LOXL2: variants seen among roughly 807,000 people sequenced by gnomAD.
LOXL2 encodes lysyl oxidase like 2.
In LOXL2, 70 loss-of-function variants were observed where a neutral mutation model predicts 93.0. The ratio of observed to expected loss-of-function variants is 0.75; its 90% CI spans 0.62 to 0.92. LOXL2 has a LOEUF of 0.92. LOXL2 is among the 40% of genes least tolerant of loss of function. The pLI is 0.00. For synonymous variants in LOXL2, 438 were observed against 413.2 expected (o/e 1.06, Z -0.73); for missense variants, 973 against 1,054.9 (o/e 0.92, Z 1.08).
intron 3 of LOXL2, among the ~76,000 whole-genome samples, chr8:23,348,609 G>A (rs1353578392): frequency 6.6e-6 from 1 of 151,942 alleles, no homozygotes; most frequent in Non-Finnish European, 1.5e-5. Flanking sequence ...CGGGTGCGGT[G>A]GCTCACGCCT....
intron 4 of LOXL2, among the ~76,000 whole-genome samples, chr8:23,338,856 G>A (rs1389382856): frequency 6.6e-6 from 1 of 152,188 alleles, no homozygotes; most frequent in African/African-American, 2.4e-5. Flanking sequence ...CCCGGGAGAA[G>A]AGGAGCTGCA....
intron 3 of LOXL2, among the ~76,000 whole-genome samples, chr8:23,355,553 A>T (rs1300252528): frequency 5.9e-5 from 7 of 118,460 alleles, no homozygotes; most frequent in African/African-American, 2.3e-4. Flanking sequence ...CAGCCCTATC[A>T]TACTCTTGGC....
chr8:23,351,997 A>G (rs546986657), intron 3 of LOXL2, among the ~76,000 whole-genome samples: 1 of 152,260 alleles, frequency 6.6e-6, no homozygotes, highest in African/African-American at 2.4e-5. Flanking sequence ...TTTTTAGTAG[A>G]GATGGGGGTC....
chr8:23,297,858 A>C lies in LOXL2; in HGVS notation c.*185T>G. 1 of 566,266 alleles carries C rather than the reference A, an allele frequency of 1.8e-6. No homozygotes were observed. Among genetic ancestry groups the C allele is most frequent in the Non-Finnish European group, 3.1e-6 (1 of 318,208 alleles). The allele number at this position is 566,266 out of a possible 1,614,324, so 35.1% of individuals were successfully genotyped here. On this transcript the variant is annotated 3_prime_UTR_variant, in exon 14 of 14. Transcript: ENST00000389131. Reference sequence around the variant, plus strand: ...TCTCAGGCCCCAAGGGTCAGGTAGCAGCCCCCCATGAATGATGGGAGGGTC... The same window carrying C: ...TCTCAGGCCCCAAGGGTCAGGTAGCCGCCCCCCATGAATGATGGGAGGGTC...
chr8:23,332,435 CCA>C (rs993762985), intron 5 of LOXL2, among the ~76,000 whole-genome samples: 10 of 140,970 alleles, frequency 7.1e-5, no homozygotes, highest in South Asian at 2.4e-4. Context: ...CAAACACACC[CCA>C]CACACTCCTA....
At position 23,307,953 on chromosome 8, in the gene LOXL2, G is replaced by GGAAAAAAAAAAAAAAAAAAAAAAA. The variant is rs58347035; in HGVS notation, c.1880+1714_1880+1715insTTTTTTTTTTTTTTTTTTTTTTTC. Among the ~76,000 whole-genome samples, 15 of 83,556 alleles carry GGAAAAAAAAAAAAAAAAAAAAAAA rather than the reference G, an allele frequency of 1.8e-4. 6 individuals carry two copies. The highest frequency in any genetic ancestry group is 9.2e-4 in the East Asian group (2 of 2,176). The allele number at this position is 83,556 out of a possible 152,430, so 54.8% of individuals were successfully genotyped here. A position where few individuals can be genotyped will look rare whatever the true frequency, so the allele number is the denominator to read the frequency against. On this transcript the variant is annotated intron_variant, in intron 10 of 13. Transcript: ENST00000389131. ...GTGACTAGGTCATCAGCTGCGATATGAAAAAAAAAAAAAAAAAAAAGCCAA... is the reference window on the plus strand; with the variant it reads ...GTGACTAGGTCATCAGCTGCGATATGGAAAAAAAAAAAAAAAAAAAAAAAAAAAAAAAAAAAAAAAAAAAGCCAA...
At chr8:23,376,950 T>C (rs1340708321) in intron 1 of LOXL2, among the ~76,000 whole-genome samples, 4 of 152,218 alleles carry the variant, frequency 2.6e-5, no homozygotes, top group African/African-American at 9.6e-5. Context: ...TCAGTTCTGC[T>C]CTGATCTTAG....
chr8:23,308,874 G>A (rs549638423), intron 10 of LOXL2, among the ~76,000 whole-genome samples: 55 of 152,176 alleles, frequency 3.6e-4, no homozygotes, highest in African/African-American at 1.3e-3. Flanking sequence ...AGGCACGGCT[G>A]CGTTTAGAGA....
At chr8:23,314,716 C>T (rs185159995) in intron 9 of LOXL2, among the ~76,000 whole-genome samples, 3,772 of 151,014 alleles carry the variant, frequency 0.025, 74 homozygotes, top group Non-Finnish European at 0.039. Flanking sequence ...GTGGGTGCAG[C>T]GCACCAGCAT....
chr8:23,378,196 T>A (rs1804622502), intron 1 of LOXL2, among the ~76,000 whole-genome samples: 1 of 152,246 alleles, frequency 6.6e-6, no homozygotes, highest in Admixed American at 6.5e-5. Context: ...CCTTCACTTA[T>A]GAAGCTTAGT....
At chr8:23,300,315 G>A (rs949441937) in intron 12 of LOXL2, among the ~76,000 whole-genome samples, 16 of 152,276 alleles carry the variant, frequency 1.1e-4, no homozygotes, top group African/African-American at 3.9e-4. Context: ...TGCGGGAAGT[G>A]GCTTTAGGTT....
At chr8:23,387,497 C>T (rs1259575307) in intron 1 of LOXL2, among the ~76,000 whole-genome samples, 1 of 152,188 alleles carries the variant, frequency 6.6e-6, no homozygotes, top group East Asian at 1.9e-4. Flanking sequence ...TGCTCTGCCA[C>T]CTCTTTACTG....
chr8:23,297,723 T>TCCATAGCA lies in LOXL2; in HGVS notation c.*319_*320insTGCTATGG. ...CTGTGTCTGTGGTGAGCTCGGTGGC[T>TCCATAGCA]TGAATGGGACAAGCTGATGACAACC... On this transcript the variant is annotated 3_prime_UTR_variant, in exon 14 of 14. Coordinates refer to ENST00000389131, the MANE Select transcript of LOXL2 (RefSeq NM_002318.3). 1 of 207,730 alleles carries TCCATAGCA rather than the reference T, an allele frequency of 4.8e-6. No homozygotes were observed. The highest frequency in any genetic ancestry group is 9.4e-6 in the Non-Finnish European group (1 of 106,726). 12.9% of individuals were successfully genotyped at this position (207,730 alleles called of 1,614,324 possible). A position where few individuals can be genotyped will look rare whatever the true frequency, so the allele number is the denominator to read the frequency against.
chr8:23,309,631 G>C, intron 10 of LOXL2, 37 bp downstream of exon 10: 1 of 1,385,390 alleles, frequency 7.2e-7, no homozygotes, highest in Non-Finnish European at 9.4e-7. Context: ...GATGTCCGCC[G>C]GGCAGCTTAG....
rs2088401709 is a variant in LOXL2 at position 23,310,549 on chromosome 8, G to A, written c.1637-638C>T. On this transcript the variant is annotated intron_variant, in intron 9 of 13. Transcript: ENST00000389131. Reference sequence around the variant, plus strand: ...TTCCTAGCTCTAGCTCATATTTTTAGATATATTGGCTGTTTGGAATTTTTC... The same window carrying A: ...TTCCTAGCTCTAGCTCATATTTTTAAATATATTGGCTGTTTGGAATTTTTC... Among the ~76,000 whole-genome samples the A allele has an allele frequency of 2.0e-5, 3 of 152,174 alleles. No homozygotes were observed. In the South Asian group the frequency reaches 6.2e-4, roughly 32 times the overall value.
chr8:23,358,873 G>A (rs1046857780), intron 3 of LOXL2, among the ~76,000 whole-genome samples: 3 of 140,872 alleles, frequency 2.1e-5, no homozygotes, highest in Admixed American at 7.6e-5. Flanking sequence ...AGACAGTCTC[G>A]CTCTGTCACC....
At chr8:23,358,346 G>A (rs914691344) in intron 3 of LOXL2, among the ~76,000 whole-genome samples, 1 of 152,238 alleles carries the variant, frequency 6.6e-6, no homozygotes, top group African/African-American at 2.4e-5. Context: ...CAAATTCCCA[G>A]CACGCTTGGG....
chr8:23,341,263 C>G (rs1448962624), intron 3 of LOXL2, 60 bp from the exon 4 acceptor site: 33 of 1,346,996 alleles, frequency 2.4e-5, no homozygotes, highest in Non-Finnish European at 3.3e-5. Flanking sequence ...GCAGAGACAC[C>G]AGGCAACCAG....
chr8:23,379,336 A>G lies in LOXL2; in HGVS notation c.-83-10902T>C, dbSNP rs1445262916. On this transcript the variant is annotated intron_variant, in intron 1 of 13. Coordinates refer to ENST00000389131, the MANE Select transcript of LOXL2 (RefSeq NM_002318.3). Reference sequence around the variant, plus strand: ...GGGTACCCAGCCGTGTGAGGTGTCAATCTGCCCCTACTGGGGGGTGCCTCC... The same window carrying G: ...GGGTACCCAGCCGTGTGAGGTGTCAGTCTGCCCCTACTGGGGGGTGCCTCC... Among the ~76,000 whole-genome samples, 6 of 152,288 alleles carry G rather than the reference A, an allele frequency of 3.9e-5. No individual in the cohort carries two copies. The South Asian group carries it at 8.3e-4, about 21-fold the overall frequency.
Sources: gnomAD v4.1 joint callset for allele counts (sites outside exome capture counted in the v4.1 genomes callset) on GRCh38, gnomAD v4.1.1 for gene constraint, MANE v1.5 for transcripts, NCBI Gene and HGNC (gene_info 2026-07-23, HGNC 2026-07-21) for gene names.